Variants in CSF1R observed in about 807,000 individuals in gnomAD.
The protein encoded by CSF1R is colony stimulating factor 1 receptor.
A neutral mutation model predicts 110.0 loss-of-function variants in CSF1R; 40 were observed. The observed-to-expected ratio is 0.36, with a 90% CI of 0.28 to 0.47. The LOEUF (loss-of-function observed/expected upper bound fraction) is 0.47, where lower values mean the gene tolerates loss of function less well. Among genes scored for constraint, CSF1R ranks in the 20% least tolerant of loss-of-function variants. The pLI is 0.99. For synonymous variants in CSF1R, 523 were observed against 503.4 expected, an observed-to-expected ratio of 1.04 and a Z score of -0.52; for missense variants, 1,052 against 1,253.0, an observed-to-expected ratio of 0.84 and a Z score of 2.42.
intron 1 of CSF1R, among the ~76,000 whole-genome samples, chr5:150,101,841 G>A (rs942483184): frequency 2.0e-5 from 3 of 151,820 alleles, no homozygotes; most frequent in Non-Finnish European, 2.9e-5. Flanking sequence ...GGGCACAGAC[G>A]AGCTCATCCA....
At chr5:150,101,168 G>A (rs1283564168) in intron 1 of CSF1R, among the ~76,000 whole-genome samples, 1 of 152,160 alleles carries the variant, frequency 6.6e-6, no homozygotes, top group Non-Finnish European at 1.5e-5. Context: ...TGGAAGTGAG[G>A]GTGTTCCAGT....
Position 150,077,366 on chromosome 5 carries a change from GA to G in CSF1R, c.798del (p.Gln267LysfsTer2). ...TTGCCGGCATGTTGGAAATCTACTT[GA>G]TCGAGGTTGAGGGTCAGGACTTTTT... ...RYQKVLTLNL[D>X]QVDFQHAGNY... On this transcript the variant is annotated frameshift_variant, in exon 5 of 21. Transcript: ENST00000675795. LOFTEE classifies it high-confidence loss of function. 6.2e-7 allele frequency: 1 copy of G among 1,614,196 alleles called. No homozygotes were observed. The highest frequency in any genetic ancestry group is 8.5e-7 in the Non-Finnish European group (1 of 1,180,040).
upstream of CSF1R, chr5:150,086,558 T>A: frequency 1.2e-6 from 1 of 825,846 alleles, no homozygotes; most frequent in Non-Finnish European, 2.0e-6. Context: ...GCTGTTTGTC[T>A]TGTTTTCCTC....
chr5:150,109,064 C>CCT (rs1759639364), intron 1 of CSF1R, among the ~76,000 whole-genome samples: 27 of 130,526 alleles, frequency 2.1e-4, no homozygotes, highest in Non-Finnish European at 2.5e-4. Flanking sequence ...GCCCGCCCCC[C>CCT]CCCCACCACC....
chr5:150,070,788 T>A lies in CSF1R; in HGVS notation c.1083-217A>T, dbSNP rs891606008. On this transcript the variant is annotated intron_variant, in intron 6 of 20. Transcript: ENST00000675795. Reference sequence around the variant, plus strand: ...CTTAGTTGGTTTTCTTATCTGAAAGTGTTTTTTTCCCGAGGTTTAATAGAG... The same window carrying A: ...CTTAGTTGGTTTTCTTATCTGAAAGAGTTTTTTTCCCGAGGTTTAATAGAG... Among the ~76,000 whole-genome samples the A allele has an allele frequency of 1.1e-4, 16 of 152,304 alleles. No individual in the cohort carries two copies. The East Asian group carries it at 2.9e-3, about 28-fold the overall frequency.
rs764988673 is a variant in CSF1R at position 150,078,185 on chromosome 5, G to T, written c.656C>A (p.Ala219Asp). The change falls in exon 4 of 21, where the codon GCT (alanine) becomes GAT (aspartate). Residue 219 changes from alanine (A) to aspartate (D), a missense_variant. Around this residue, in one of 5 missense-constraint regions of CSF1R, gnomAD observed 693 missense variants for 735.4 expected, o/e 0.94. Transcript: ENST00000675795. ...PAELVRIRGE[A>D]AQIVCSASSV... ...GCTGGCTGAGCACACGATCTGGGCA[G>T]CCTCCCCTCGAATCCGCACCAGCTC... is the stretch of plus-strand genomic sequence containing the variant. 1.2e-6 allele frequency: 2 copies of T among 1,614,130 alleles called. No homozygotes were observed. Among genetic ancestry groups the T allele is most frequent in the East Asian group, 2.2e-5 (1 of 44,876 alleles).
intron 4 of CSF1R, 41 bp from the exon 5 acceptor site, chr5:150,077,476 T>G (rs752712151): frequency 1.3e-6 from 2 of 1,587,104 alleles, no homozygotes; most frequent in East Asian, 2.2e-5. Flanking sequence ...CAAGGTAGTT[T>G]AGGGATTAGA....
chr5:150,086,056 C>A (rs1183323408), intron 1 of CSF1R, among the ~76,000 whole-genome samples: 1 of 152,224 alleles, frequency 6.6e-6, no homozygotes, highest in East Asian at 1.9e-4. Context: ...TCTAGTCTAT[C>A]ACTGTCCCCC....
chr5:150,080,006 G>C, intron 3 of CSF1R, 46 bp downstream of exon 3: 2 of 1,588,180 alleles, frequency 1.3e-6, no homozygotes, highest in Non-Finnish European at 8.6e-7. Context: ...CCGGCTCTCT[G>C]TCCCCACTCT....
At position 150,053,702 on chromosome 5, in the gene CSF1R, A is replaced by G; in HGVS notation, c.*367T>C. On this transcript the variant is annotated 3_prime_UTR_variant, in exon 21 of 21. Coordinates refer to ENST00000675795, the MANE Select transcript of CSF1R (RefSeq NM_001288705.3). Reference sequence around the variant, plus strand: ...TAGCCCCAAAGAGCCTGGTTTTCTCAGTATCAGTGTAGCTCCTGGGGACTT... The same window carrying G: ...TAGCCCCAAAGAGCCTGGTTTTCTCGGTATCAGTGTAGCTCCTGGGGACTT... The G allele has an allele frequency of 2.9e-6, 1 of 342,346 alleles. No homozygotes were observed. Among genetic ancestry groups the G allele is most frequent in the South Asian group, 4.2e-5 (1 of 23,958 alleles). 21.2% of individuals were successfully genotyped at this position (342,346 alleles called of 1,614,324 possible).
intron 1 of CSF1R, 118 bp downstream of exon 1, chr5:150,086,261 T>C: frequency 1.0e-6 from 1 of 960,754 alleles, no homozygotes; most frequent in Non-Finnish European, 1.6e-6. Flanking sequence ...TGCAGTCCAG[T>C]GTTGGGGAGA....
At chr5:150,069,208 AGATGCCAGGGTCTGGCACACAGTG>A (rs555991514) in intron 9 of CSF1R, among the ~76,000 whole-genome samples, 1 of 152,302 alleles carries the variant, frequency 6.6e-6, no homozygotes, top group East Asian at 1.9e-4. Context: ...TGAGCCAGGC[AGATGCCAGGGTCTGGCACACAGTG>A]GGTGCCAGAG....
intron 3 of CSF1R, 100 bp downstream of exon 3, chr5:150,079,952 T>G (rs1218394484): frequency 1.5e-6 from 2 of 1,378,962 alleles, no homozygotes; most frequent in African/African-American, 2.9e-5. Flanking sequence ...GACATCCCAC[T>G]GCCCCCCATC....
At chr5:150,088,314 C>T (rs1286345336), upstream of CSF1R, among the ~76,000 whole-genome samples, 1 of 152,022 alleles carries the variant, frequency 6.6e-6, no homozygotes, top group Non-Finnish European at 1.5e-5. Context: ...AAAGCAAAGC[C>T]CAGGACCAGA....
chr5:150,070,662 A>G (rs1413836671), intron 6 of CSF1R, 91 bp from the exon 7 acceptor site: 1 of 905,384 alleles, frequency 1.1e-6, no homozygotes, highest in African/African-American at 1.7e-5. Flanking sequence ...AAAGGGGTTT[A>G]TTTTATTTTT....
intron 10 of CSF1R, among the ~76,000 whole-genome samples, chr5:150,064,618 C>G (rs1180111212): frequency 6.6e-6 from 1 of 152,236 alleles, no homozygotes; most frequent in Non-Finnish European, 1.5e-5. Flanking sequence ...CTGGCCACTT[C>G]CATCTCTAGG....
rs1157519987 is a variant in CSF1R at position 150,056,241 on chromosome 5, G to C, written c.2420C>G (p.Ser807Cys). ...FGLARDIMND[S>C]NYIVKGNARL... ...TACATTGCCCTTGACAATGTAGTTG[G>C]AGTCATTCATGATGTCCCTAGCCAG... Residue 807 changes from serine (S) to cysteine (C), a missense_variant, in exon 17 of 21, where the codon TCC becomes TGC. This residue lies in a region of CSF1R where 74 missense variants were observed against 187.4 expected (regional missense o/e 0.39). Coordinates refer to ENST00000675795, the MANE Select transcript of CSF1R (RefSeq NM_001288705.3). 1 of 1,614,146 alleles carries C rather than the reference G, an allele frequency of 6.2e-7. No homozygotes were observed. Among genetic ancestry groups the C allele is most frequent in the South Asian group, 1.1e-5 (1 of 91,072 alleles).
Position 150,077,262 on chromosome 5 carries a change from AC to A in CSF1R, c.889+13del, listed in dbSNP as rs766654549. ...GGATCCCTACCGACTGTCCACCACC[AC>A]CCTGATGCTTACCTACCACCCGGAA... On this transcript the variant is annotated intron_variant, in intron 5 of 20. Coordinates refer to ENST00000675795, the MANE Select transcript of CSF1R (RefSeq NM_001288705.3). The A allele has an allele frequency of 7.4e-6, 12 of 1,613,888 alleles. No homozygotes were observed. The highest frequency in any genetic ancestry group is 1.6e-4 in the Middle Eastern group (1 of 6,062).
chr5:150,102,634 C>A (rs1299830980), intron 1 of CSF1R, among the ~76,000 whole-genome samples: 1 of 152,136 alleles, frequency 6.6e-6, no homozygotes, highest in Non-Finnish European at 1.5e-5. Flanking sequence ...CGCCCACCAC[C>A]ACGGCCAATT....
Sources: gnomAD v4.1 joint callset for allele counts (sites outside exome capture counted in the v4.1 genomes callset) on GRCh38, gnomAD v4.1.1 for gene constraint, gnomAD v4.1.1 regional missense constraint, MANE v1.5 for transcripts, NCBI Gene and HGNC (gene_info 2026-07-23, HGNC 2026-07-21) for gene names.